The following CNTNAP2 variants were observed in gnomAD, a reference collection of about 807,000 sequenced individuals.
CNTNAP2 encodes contactin associated protein 2, also known as contactin-associated protein-like 2.
In CNTNAP2, 98 loss-of-function variants were observed where a neutral mutation model predicts 155.2. The observed-to-expected ratio is 0.63, with a 90% CI of 0.54 to 0.75. CNTNAP2 has a LOEUF of 0.75. Among genes scored for constraint, CNTNAP2 ranks in the 30% least tolerant of loss-of-function variants. The probability of loss-of-function intolerance (pLI) is 0.00; values close to 1 mark genes in which losing one functional copy is unlikely to be tolerated. For missense variants in CNTNAP2, 1,727 were observed against 1,688.1 expected (o/e 1.02, Z -0.40); for synonymous variants, 651 against 631.2 (o/e 1.03, Z -0.47).
At chr7:146,685,992 G>C (rs1800591803) in intron 1 of CNTNAP2, among the ~76,000 whole-genome samples, 1 of 151,904 alleles carries the variant, frequency 6.6e-6, no homozygotes, top group African/African-American at 2.4e-5. Flanking sequence ...TATTGACCTT[G>C]GGATTCAGAA....
rs189707598 is a variant in CNTNAP2, at chr7:147,694,104, T to A, written c.2098+54798T>A. ...TGTCAAATGCTTTTTCTTTATCTCT[T>A]GATATGATCATGTGATTTCTCTTCC... On this transcript the variant is annotated intron_variant, in intron 13 of 23. Coordinates refer to ENST00000361727, the MANE Select transcript of CNTNAP2 (RefSeq NM_014141.6). Among the ~76,000 whole-genome samples, 729 of 152,172 alleles carry A rather than the reference T, an allele frequency of 4.8e-3. 2 individuals are homozygous for A. Among genetic ancestry groups the A allele is most frequent in the Non-Finnish European group, 8.4e-3 (574 of 67,940 alleles).
chr7:147,301,409 T>G (rs574483863), intron 9 of CNTNAP2, among the ~76,000 whole-genome samples: 1 of 152,280 alleles, frequency 6.6e-6, no homozygotes, highest in Admixed American at 6.5e-5. Flanking sequence ...GATTATTGTG[T>G]TTCCTGTCCT....
chr7:146,954,221 A>G (rs1292561506), intron 3 of CNTNAP2, among the ~76,000 whole-genome samples: 1 of 151,950 alleles, frequency 6.6e-6, no homozygotes, highest in African/African-American at 2.4e-5. Context: ...ATAAAATGGT[A>G]TTAAGGGTAA....
At chr7:147,534,974 T>G (rs1039766077) in intron 11 of CNTNAP2, among the ~76,000 whole-genome samples, 1 of 152,168 alleles carries the variant, frequency 6.6e-6, no homozygotes, top group African/African-American at 2.4e-5. Flanking sequence ...AGCTGGGGTC[T>G]GGGGCCTGAC....
At chr7:147,836,466 A>G (rs1039219316) in intron 13 of CNTNAP2, among the ~76,000 whole-genome samples, 2 of 151,594 alleles carry the variant, frequency 1.3e-5, no homozygotes, top group Non-Finnish European at 2.9e-5. Flanking sequence ...CCCACCATGC[A>G]CCACCTCCCC....
chr7:146,645,386 C>G (rs957841105), intron 1 of CNTNAP2, among the ~76,000 whole-genome samples: 2 of 152,166 alleles, frequency 1.3e-5, no homozygotes, highest in African/African-American at 2.4e-5. Flanking sequence ...ATAATAACCT[C>G]GATTCTCATC....
intron 21 of CNTNAP2, among the ~76,000 whole-genome samples, chr7:148,313,329 G>C (rs943034271): frequency 6.6e-6 from 1 of 151,568 alleles, no homozygotes; most frequent in Non-Finnish European, 1.5e-5. Context: ...CAGCCACTAA[G>C]CCAAGAAGAT....
At chr7:147,456,030 T>G (rs1563210789) in intron 10 of CNTNAP2, among the ~76,000 whole-genome samples, 1 of 152,176 alleles carries the variant, frequency 6.6e-6, no homozygotes, top group Non-Finnish European at 1.5e-5. Flanking sequence ...AATTGATGAC[T>G]CCTTTGTAAA....
intron 21 of CNTNAP2, among the ~76,000 whole-genome samples, chr7:148,341,428 C>G (rs1268029427): frequency 2.6e-5 from 4 of 152,052 alleles, no homozygotes; most frequent in Non-Finnish European, 5.9e-5. Flanking sequence ...ATAATAGCAA[C>G]CATTACTCAA....
chr7:148,138,685 C>T (rs1228998806), intron 16 of CNTNAP2, among the ~76,000 whole-genome samples: 1 of 152,146 alleles, frequency 6.6e-6, no homozygotes, highest in Non-Finnish European at 1.5e-5. Context: ...TTTATTACAA[C>T]ACTCTATCCC....
chr7:146,225,135 G>A (rs1226684184), intron 1 of CNTNAP2, among the ~76,000 whole-genome samples: 1 of 152,078 alleles, frequency 6.6e-6, no homozygotes, highest in Non-Finnish European at 1.5e-5. Flanking sequence ...TAGCAATGCT[G>A]TTTAAAAGTT....
intron 21 of CNTNAP2, among the ~76,000 whole-genome samples, chr7:148,271,479 TCA>T (rs1796778009): frequency 6.6e-6 from 1 of 152,136 alleles, no homozygotes; most frequent in Non-Finnish European, 1.5e-5. Flanking sequence ...ACCACAGGCT[TCA>T]AGCTACTCAG....
intron 3 of CNTNAP2, among the ~76,000 whole-genome samples, chr7:146,946,396 G>T (rs1797174338): frequency 6.6e-6 from 1 of 151,856 alleles, no homozygotes; most frequent in Admixed American, 6.6e-5. Context: ...ACATTCCTTA[G>T]GTATTTATAG....
intron 21 of CNTNAP2, among the ~76,000 whole-genome samples, chr7:148,286,152 T>C (rs530842612): frequency 2.8e-4 from 42 of 152,178 alleles, no homozygotes; most frequent in Non-Finnish European, 1.5e-4. Context: ...AGTCTTACTG[T>C]CTCAGGGTTG....
At chr7:148,094,973 G>C (rs1275156953) in intron 15 of CNTNAP2, among the ~76,000 whole-genome samples, 4 of 152,166 alleles carry the variant, frequency 2.6e-5, no homozygotes, top group Non-Finnish European at 5.9e-5. Context: ...AAATATTTAA[G>C]AGATAATAAG....
At chr7:147,996,425 T>C (rs1157785558) in intron 15 of CNTNAP2, among the ~76,000 whole-genome samples, 2 of 152,220 alleles carry the variant, frequency 1.3e-5, no homozygotes, top group African/African-American at 4.8e-5. Context: ...ACAGGGAAAG[T>C]GTAGAAACTT....
chr7:146,263,281 GGA>G (rs1563013339), intron 1 of CNTNAP2, among the ~76,000 whole-genome samples: 19 of 146,628 alleles, frequency 1.3e-4, no homozygotes, highest in African/African-American at 4.1e-4. Flanking sequence ...GAGGGAGGAA[GGA>G]AGGAAGGAAG....
chr7:146,875,934 C>CAAAAAAAAAAAAAAAAAACAAAAA (rs1795413930), intron 3 of CNTNAP2, among the ~76,000 whole-genome samples: 1 of 55,134 alleles, frequency 1.8e-5, no homozygotes. Flanking sequence ...ACATACACAG[C>CAAAAAAAAAAAAAAAAAACAAAAA]AAAAAAAAAA....
chr7:147,653,910 A>G (rs1231627127), intron 13 of CNTNAP2, among the ~76,000 whole-genome samples: 2 of 152,234 alleles, frequency 1.3e-5, no homozygotes, highest in East Asian at 3.8e-4. Flanking sequence ...TCAAAATCTC[A>G]AAATGGTGAG....
Sources: gnomAD v4.1 joint callset for allele counts (sites outside exome capture counted in the v4.1 genomes callset) on GRCh38, gnomAD v4.1.1 for gene constraint, MANE v1.5 for transcripts, NCBI Gene and HGNC (gene_info 2026-07-23, HGNC 2026-07-21) for gene names.